Variants in ESRRG observed in about 807,000 individuals in gnomAD.
ESRRG encodes estrogen-related receptor gamma.
Under a neutral mutation model 44.0 loss-of-function variants are expected in ESRRG, and 13 were observed. The observed-to-expected ratio is 0.30, with a 90% CI of 0.19 to 0.47. The LOEUF is 0.47. ESRRG is among the 20% of genes least tolerant of loss of function. ESRRG has a pLI of 1.00. For synonymous variants in ESRRG, 215 were observed against 214.6 expected (o/e 1.00, Z -0.02); for missense variants, 395 against 580.6 (o/e 0.68, Z 3.29).
chr1:216,781,838 T>C (rs2093948300), intron 2 of ESRRG, among the ~76,000 whole-genome samples: 1 of 152,038 alleles, frequency 6.6e-6, no homozygotes, highest in Admixed American at 6.6e-5. Context: ...AGCAGGCAGA[T>C]TGGCCAGTTT....
At chr1:216,923,191 AC>A (rs2062048967) in intron 2 of ESRRG, among the ~76,000 whole-genome samples, 1 of 152,226 alleles carries the variant, frequency 6.6e-6, no homozygotes, top group Non-Finnish European at 1.5e-5. Flanking sequence ...CTAAAAACAG[AC>A]ATTTCAAGGG....
chr1:216,826,258 C>A (rs2095394288), intron 2 of ESRRG, among the ~76,000 whole-genome samples: 1 of 150,764 alleles, frequency 6.6e-6, no homozygotes, highest in Non-Finnish European at 1.5e-5. Context: ...TATGTCAATG[C>A]ACATTAGATA....
intron 1 of ESRRG, among the ~76,000 whole-genome samples, chr1:217,056,165 C>G (rs946095469): frequency 6.6e-6 from 1 of 152,076 alleles, no homozygotes; most frequent in African/African-American, 2.4e-5. Flanking sequence ...GCCTTGGGTA[C>G]CTGAATAACT....
chr1:216,514,299 T>G (rs777599616), intron 6 of ESRRG, among the ~76,000 whole-genome samples: 61 of 152,048 alleles, frequency 4.0e-4, no homozygotes, highest in Admixed American at 1.3e-4. Context: ...TAAAAACCAA[T>G]GAAAAGTAAA....
chr1:216,586,728 A>C (rs542976305), intron 3 of ESRRG, among the ~76,000 whole-genome samples: 1 of 144,698 alleles, frequency 6.9e-6, no homozygotes, highest in South Asian at 2.3e-4. Context: ...GGCGCCCACC[A>C]CCATGCCTGG....
rs889510141 is a variant in ESRRG at position 216,680,300 on chromosome 1, C to T, written c.57-2809G>A. ...AGGGAGGTATTTCTCTTTAGGAAAC[C>T]GAGCCTCAGACCTTTCAAAATTTGC... On this transcript the variant is annotated intron_variant, in intron 1 of 6. Transcript: ENST00000408911. Among the ~76,000 whole-genome samples, 13 of 152,228 alleles carry T rather than the reference C, an allele frequency of 8.5e-5. No individual in the cohort carries two copies. The East Asian group carries it at 1.5e-3, about 18-fold the overall frequency.
intron 1 of ESRRG, among the ~76,000 whole-genome samples, chr1:217,081,682 A>G (rs935082801): frequency 6.6e-4 from 100 of 151,912 alleles, no homozygotes; most frequent in African/African-American, 2.4e-3. Context: ...GGCCTCAAAT[A>G]ATCATCAAGC....
chr1:216,694,928 C>G (rs11572678), intron 1 of ESRRG, among the ~76,000 whole-genome samples: 474 of 152,244 alleles, frequency 3.1e-3, no homozygotes, highest in African/African-American at 0.011. Flanking sequence ...TCATTCCTAT[C>G]ATGTTTTAAG....
chr1:216,649,641 A>G (rs2068470820), intron 3 of ESRRG, among the ~76,000 whole-genome samples: 1 of 152,246 alleles, frequency 6.6e-6, no homozygotes, highest in Admixed American at 6.5e-5. Context: ...ACTTTATTAT[A>G]ACATTATACA....
intron 1 of ESRRG, among the ~76,000 whole-genome samples, chr1:216,698,768 T>G (rs1185581727): frequency 6.6e-6 from 1 of 152,110 alleles, no homozygotes; most frequent in Non-Finnish European, 1.5e-5. Flanking sequence ...GTTTCATCAC[T>G]TCAGAAACCT....
chr1:217,030,577 T>C (rs891742504), intron 1 of ESRRG, among the ~76,000 whole-genome samples: 1 of 152,210 alleles, frequency 6.6e-6, no homozygotes, highest in Non-Finnish European at 1.5e-5. Context: ...CAAAATAAAG[T>C]GTTAGACAAG....
At chr1:216,831,774 C>T (rs974183698) in intron 2 of ESRRG, among the ~76,000 whole-genome samples, 2 of 152,064 alleles carry the variant, frequency 1.3e-5, no homozygotes, top group African/African-American at 4.8e-5. Context: ...ATTACTAAGA[C>T]CTTCTTTGGT....
chr1:216,815,008 C>T (rs933330724), intron 2 of ESRRG, among the ~76,000 whole-genome samples: 2 of 152,122 alleles, frequency 1.3e-5, no homozygotes, highest in African/African-American at 4.8e-5. Flanking sequence ...TAAATCCTCC[C>T]CTCACTTTAA....
chr1:217,080,956 C>T (rs1018807205), intron 1 of ESRRG, among the ~76,000 whole-genome samples: 1 of 151,824 alleles, frequency 6.6e-6, no homozygotes, highest in African/African-American at 2.4e-5. Context: ...GGATTACAGG[C>T]GTGAGCCACC....
intron 2 of ESRRG, among the ~76,000 whole-genome samples, chr1:216,902,062 A>T (rs987802011): frequency 2.0e-5 from 3 of 152,186 alleles, no homozygotes; most frequent in African/African-American, 2.4e-5. Flanking sequence ...CTTCCTTTTT[A>T]TATCTGAAGT....
At chr1:216,700,120 G>A (rs1265169845) in intron 1 of ESRRG, among the ~76,000 whole-genome samples, 8 of 50,468 alleles carry the variant, frequency 1.6e-4, no homozygotes, top group East Asian at 7.2e-4. Flanking sequence ...CCGCAGCCCC[G>A]CACCTTTTTT....
intron 1 of ESRRG, among the ~76,000 whole-genome samples, chr1:216,685,921 T>G (rs947840482): frequency 6.6e-6 from 1 of 152,198 alleles, no homozygotes; most frequent in Non-Finnish European, 1.5e-5. Context: ...ACTGAGTGAA[T>G]CACAGTGTTG....
rs754735743 is a variant in ESRRG, at chr1:216,873,209, G to GTTTTTTTT, written c.-14+66365_-14+66372dup. ...CCAGGAGTTCATAAACATCTTTTCA[G>GTTTTTTTT]TTTTTTTTTTTTTTTTTTTTTGACA... is the stretch of plus-strand genomic sequence containing the variant. On this transcript the variant is annotated intron_variant, in intron 2 of 7. Coordinates refer to the ESRRG transcript ENST00000359162. Among the ~76,000 whole-genome samples, 127 of 105,932 alleles carry GTTTTTTTT rather than the reference G, an allele frequency of 1.2e-3. 6 individuals carry two copies. The highest frequency in any genetic ancestry group is 3.2e-3 in the African/African-American group (84 of 26,082). The allele number at this position is 105,932 out of a possible 152,430, so 69.5% of individuals were successfully genotyped here.
At chr1:216,949,770 C>A (rs1188218661) in intron 1 of ESRRG, among the ~76,000 whole-genome samples, 1 of 151,674 alleles carries the variant, frequency 6.6e-6, no homozygotes, top group African/African-American at 2.4e-5. Flanking sequence ...TTTGATTATT[C>A]TCTTTTACTA....
Sources: gnomAD v4.1 joint callset for allele counts (sites outside exome capture counted in the v4.1 genomes callset) on GRCh38, gnomAD v4.1.1 for gene constraint, MANE v1.5 for transcripts, NCBI Gene and HGNC (gene_info 2026-07-23, HGNC 2026-07-21) for gene names.